Variants in ZNF407 observed in about 807,000 individuals in gnomAD.
ZNF407 encodes zinc finger protein 407.
A neutral mutation model predicts 131.2 loss-of-function variants in ZNF407; 17 were observed. The ratio of observed to expected loss-of-function variants is 0.13; its 90% CI spans 0.09 to 0.19. The LOEUF is 0.19. Ranked by LOEUF, ZNF407 falls within the 10% of genes least tolerant of loss-of-function variation. ZNF407 has a pLI of 1.00. For missense variants in ZNF407, 2,681 were observed against 2,830.6 expected, an observed-to-expected ratio of 0.95 and a Z score of 1.20; for synonymous variants, 1,156 against 1,062.0, an observed-to-expected ratio of 1.09 and a Z score of -1.72.
chr18:74,707,003 G>A (rs564895352), intron 3 of ZNF407, among the ~76,000 whole-genome samples: 21 of 146,966 alleles, frequency 1.4e-4, no homozygotes, highest in Admixed American at 8.9e-4. Context: ...CCAGGCTGGA[G>A]TGCCGTGGTG....
chr18:74,603,995 G>T (rs1370474990), intron 1 of ZNF407, among the ~76,000 whole-genome samples: 1 of 152,218 alleles, frequency 6.6e-6, no homozygotes, highest in Non-Finnish European at 1.5e-5. Context: ...GTTTGTGGGG[G>T]AAGTTGATGA....
At chr18:74,786,652 G>A (rs12957606) in intron 4 of ZNF407, among the ~76,000 whole-genome samples, 20,701 of 151,592 alleles carry the variant, frequency 0.14, 2,529 homozygotes, top group African/African-American at 0.33. Flanking sequence ...GTTATATTTC[G>A]ATGACGTACT....
At chr18:74,786,716 A>T (rs1379764010) in intron 4 of ZNF407, among the ~76,000 whole-genome samples, 2 of 149,768 alleles carry the variant, frequency 1.3e-5, no homozygotes, top group African/African-American at 2.5e-5. Context: ...CCATCTTTTA[A>T]CCTGTAAACA....
At chr18:74,682,108 A>G (rs1164732638) in intron 3 of ZNF407, among the ~76,000 whole-genome samples, 1 of 152,216 alleles carries the variant, frequency 6.6e-6, no homozygotes, top group Non-Finnish European at 1.5e-5. Context: ...CAAGTTCATT[A>G]TGTCTGGGAT....
intron 3 of ZNF407, among the ~76,000 whole-genome samples, chr18:74,767,807 C>G (rs1413237801): frequency 6.8e-6 from 1 of 146,254 alleles, no homozygotes; most frequent in Non-Finnish European, 1.5e-5. Context: ...GCGCCTGCCA[C>G]CACGCCTGGC....
intron 4 of ZNF407, among the ~76,000 whole-genome samples, chr18:74,809,605 G>C (rs991950208): frequency 2.0e-5 from 3 of 152,194 alleles, no homozygotes; most frequent in African/African-American, 7.2e-5. Context: ...GAGTTAAATA[G>C]GTGGTTAAGA....
intron 3 of ZNF407, among the ~76,000 whole-genome samples, chr18:74,718,226 G>T: frequency 6.7e-6 from 1 of 150,322 alleles, no homozygotes. Context: ...CCCCTTCCTG[G>T]CTGCCAGAAG....
chr18:74,708,205 A>T (rs920441210), intron 3 of ZNF407, among the ~76,000 whole-genome samples: 2 of 152,244 alleles, frequency 1.3e-5, no homozygotes, highest in African/African-American at 4.8e-5. Flanking sequence ...GTTCAAAGAT[A>T]GAGTTACTGC....
chr18:75,060,156 T>C (rs1007988304), intron 8 of ZNF407: 3 of 152,282 alleles, frequency 2.0e-5, no homozygotes, highest in African/African-American at 2.4e-5. Flanking sequence ...GAAGCACACG[T>C]TGGGGCCAGC....
intron 6 of ZNF407, among the ~76,000 whole-genome samples, chr18:74,883,250 CTGTT>C (rs1003492440): frequency 1.3e-5 from 2 of 152,180 alleles, no homozygotes; most frequent in African/African-American, 2.4e-5. Flanking sequence ...GTTCTTAAGA[CTGTT>C]TGCTTCAACA....
chr18:75,005,903 T>C (rs956810091), intron 8 of ZNF407, among the ~76,000 whole-genome samples: 1 of 152,120 alleles, frequency 6.6e-6, no homozygotes, highest in Non-Finnish European at 1.5e-5. Context: ...AATGTATGTT[T>C]GAGGAGACTA....
chr18:74,923,933 T>A (rs994927286), intron 8 of ZNF407, among the ~76,000 whole-genome samples: 1 of 152,126 alleles, frequency 6.6e-6, no homozygotes, highest in African/African-American at 2.4e-5. Context: ...ATATTCATCA[T>A]AGTCAAAACT....
intron 3 of ZNF407, among the ~76,000 whole-genome samples, chr18:74,716,532 C>T (rs182251935): frequency 2.9e-4 from 44 of 152,240 alleles, no homozygotes; most frequent in South Asian, 1.0e-3. Context: ...AACTCTAGGA[C>T]AGCCTCAGCA....
chr18:74,764,434 T>G (rs1969182075), intron 3 of ZNF407, among the ~76,000 whole-genome samples: 1 of 152,216 alleles, frequency 6.6e-6, no homozygotes, highest in Admixed American at 6.5e-5. Context: ...TTAAAAAATA[T>G]CTTCCATCTC....
intron 4 of ZNF407, among the ~76,000 whole-genome samples, chr18:74,802,167 A>G (rs1342657442): frequency 1.3e-5 from 2 of 152,208 alleles, no homozygotes; most frequent in East Asian, 1.9e-4. Context: ...TAGTTATACT[A>G]CGTACAAATA....
intron 7 of ZNF407, among the ~76,000 whole-genome samples, chr18:74,892,325 A>C (rs1490223484): frequency 6.6e-6 from 1 of 152,196 alleles, no homozygotes; most frequent in Non-Finnish European, 1.5e-5. Flanking sequence ...ACCGCGGTCA[A>C]ACTATCGAGT....
At chr18:74,944,090 A>G (rs1972129167) in intron 8 of ZNF407, among the ~76,000 whole-genome samples, 1 of 152,212 alleles carries the variant, frequency 6.6e-6, no homozygotes, top group Non-Finnish European at 1.5e-5. Context: ...AGGCGCCTGT[A>G]GAAATGTGTT....
chr18:74,884,296 A>G (rs562351341), intron 6 of ZNF407, among the ~76,000 whole-genome samples: 68 of 152,206 alleles, frequency 4.5e-4, no homozygotes, highest in Non-Finnish European at 8.8e-4. Context: ...AACTCCTTCT[A>G]TATTTCTGTA....
intron 8 of ZNF407, among the ~76,000 whole-genome samples, chr18:74,972,129 G>A (rs1053464217): frequency 2.0e-5 from 3 of 152,148 alleles, no homozygotes; most frequent in African/African-American, 4.8e-5. Context: ...GGAATTCTGG[G>A]AGATACAATT....
Sources: gnomAD v4.1 joint callset for allele counts (sites outside exome capture counted in the v4.1 genomes callset) on GRCh38, gnomAD v4.1.1 for gene constraint, MANE v1.5 for transcripts, NCBI Gene and HGNC (gene_info 2026-07-23, HGNC 2026-07-21) for gene names.